The following PARG variants were observed in gnomAD, a reference collection of about 807,000 sequenced individuals.
PARG encodes the protein poly(ADP-ribose) glycohydrolase, also known as mitochondrial poly(ADP-ribose) glycohydrolase.
A neutral mutation model predicts 113.0 loss-of-function variants in PARG; 35 were observed. The observed-to-expected ratio is 0.31, with a 90% confidence interval of 0.24 to 0.41. The LOEUF (loss-of-function observed/expected upper bound fraction) is 0.41, where lower values mean the gene tolerates loss of function less well. PARG is among the 10% of genes least tolerant of loss of function. The pLI is 1.00. For synonymous variants in PARG, 330 were observed against 409.9 expected, an observed-to-expected ratio of 0.81 and a Z score of 2.36; for missense variants, 797 against 1,169.4, an observed-to-expected ratio of 0.68 and a Z score of 4.64.
chr10:49,920,000 C>T (rs1421487296), intron 6 of PARG, among the ~76,000 whole-genome samples: 1 of 151,876 alleles, frequency 6.6e-6, no homozygotes, highest in African/African-American at 2.4e-5. Flanking sequence ...TTTGGATCAG[C>T]GGTTTGAAAA....
chr10:49,920,950 C>T (rs1408828367), intron 6 of PARG, among the ~76,000 whole-genome samples: 6 of 152,056 alleles, frequency 3.9e-5, no homozygotes, highest in African/African-American at 1.4e-4. Flanking sequence ...CACACAGGAT[C>T]CCTGTAGCCA....
At chr10:49,854,553 T>C (rs1160390555) in intron 13 of PARG, among the ~76,000 whole-genome samples, 4 of 151,258 alleles carry the variant, frequency 2.6e-5, no homozygotes, top group African/African-American at 9.7e-5. Flanking sequence ...CATGGCCATA[T>C]GAATGCTCAG....
intron 7 of PARG, among the ~76,000 whole-genome samples, chr10:49,899,536 C>T (rs2573419): frequency 2.0e-5 from 3 of 152,186 alleles, no homozygotes; most frequent in Admixed American, 6.5e-5. Flanking sequence ...AAATGGTCTC[C>T]ATTTTTAATA....
intron 7 of PARG, among the ~76,000 whole-genome samples, chr10:49,896,512 T>C (rs1238149346): frequency 1.3e-5 from 2 of 152,188 alleles, no homozygotes; most frequent in Non-Finnish European, 2.9e-5. Context: ...CTCGAACTCC[T>C]AACCTCAGGT....
At chr10:49,894,343 C>T (rs545585393) in intron 7 of PARG, among the ~76,000 whole-genome samples, 1 of 151,850 alleles carries the variant, frequency 6.6e-6, no homozygotes, top group Non-Finnish European at 1.5e-5. Flanking sequence ...CGCCTGGCAT[C>T]CCTGTCTTTA....
intron 7 of PARG, among the ~76,000 whole-genome samples, chr10:49,895,890 T>C (rs1416682036): frequency 1.3e-5 from 2 of 152,200 alleles, no homozygotes; most frequent in African/African-American, 2.4e-5. Flanking sequence ...TTTAATGAAA[T>C]TTTTAAAATT....
intron 6 of PARG, among the ~76,000 whole-genome samples, chr10:49,920,269 C>T (rs1439520829): frequency 2.7e-5 from 4 of 150,684 alleles, no homozygotes; most frequent in Admixed American, 2.0e-4. Context: ...AGAGAAACCC[C>T]GTCTCTACAA....
chr10:49,835,754 C>G (rs1367007026), intron 15 of PARG, among the ~76,000 whole-genome samples: 1 of 151,990 alleles, frequency 6.6e-6, no homozygotes, highest in Admixed American at 6.6e-5. Context: ...TAAGATTTTA[C>G]ACTTAAGTAA....
At chr10:49,938,549 G>A (rs1376910474) in intron 1 of PARG, among the ~76,000 whole-genome samples, 4 of 152,104 alleles carry the variant, frequency 2.6e-5, no homozygotes, top group South Asian at 4.2e-4. Context: ...ATAAACCTGC[G>A]TCATCACAAT....
chr10:49,937,848 T>G (rs1838827159), intron 1 of PARG, among the ~76,000 whole-genome samples: 1 of 152,188 alleles, frequency 6.6e-6, no homozygotes, highest in Non-Finnish European at 1.5e-5. Flanking sequence ...TAATAAAACA[T>G]TGATCAGTCC....
At chr10:49,828,205 G>A (rs1844469855) in intron 16 of PARG, among the ~76,000 whole-genome samples, 2 of 150,214 alleles carry the variant, frequency 1.3e-5, no homozygotes, top group Admixed American at 1.3e-4. Context: ...TAAGAGAGCT[G>A]AGTTTTTGAG....
intron 1 of PARG, among the ~76,000 whole-genome samples, chr10:49,940,502 CCT>C (rs1220963923): frequency 5.8e-4 from 85 of 147,298 alleles, no homozygotes; most frequent in African/African-American, 2.2e-3. Context: ...CAATTGCACT[CCT>C]GTTTTTGTTT....
intron 7 of PARG, among the ~76,000 whole-genome samples, chr10:49,887,489 C>G (rs1463021969): frequency 2.0e-5 from 3 of 151,828 alleles, no homozygotes; most frequent in African/African-American, 7.3e-5. Context: ...TTCCTAACAC[C>G]CACTAATTTG....
At chr10:49,864,909 G>A (rs1846422103) in intron 11 of PARG, among the ~76,000 whole-genome samples, 1 of 140,892 alleles carries the variant, frequency 7.1e-6, no homozygotes, top group Middle Eastern at 3.4e-3. Context: ...TTACTAAAAT[G>A]TAAATAATAA....
intron 9 of PARG, among the ~76,000 whole-genome samples, chr10:49,877,821 G>C (rs1319032686): frequency 1.7e-5 from 2 of 120,100 alleles, no homozygotes; most frequent in African/African-American, 3.2e-5. Context: ...ATGTAGAAGA[G>C]GGAAGCAGAA....
At chr10:49,928,297 A>G (rs1242736908) in intron 4 of PARG, among the ~76,000 whole-genome samples, 1 of 152,190 alleles carries the variant, frequency 6.6e-6, no homozygotes, top group Non-Finnish European at 1.5e-5. Flanking sequence ...CAGATGTGAC[A>G]GAATCAGCAG....
At chr10:49,903,029 G>A (rs1554844055) in intron 7 of PARG, among the ~76,000 whole-genome samples, 2 of 151,830 alleles carry the variant, frequency 1.3e-5, no homozygotes, top group African/African-American at 2.4e-5. Context: ...GTTTCACCAT[G>A]TTCGTCAGGA....
intron 13 of PARG, among the ~76,000 whole-genome samples, chr10:49,845,213 C>G (rs1845448967): frequency 6.6e-6 from 1 of 152,148 alleles, no homozygotes; most frequent in South Asian, 2.1e-4. Flanking sequence ...TTGGCAATCC[C>G]TTGTAAAATT....
chr10:49,901,400 C>G (rs1171773675), intron 7 of PARG, among the ~76,000 whole-genome samples: 2 of 150,036 alleles, frequency 1.3e-5, no homozygotes, highest in African/African-American at 4.9e-5. Flanking sequence ...AAGCACGAAC[C>G]ACCACACCCA....
Sources: gnomAD v4.1 joint callset for allele counts (sites outside exome capture counted in the v4.1 genomes callset) on GRCh38, gnomAD v4.1.1 for gene constraint, MANE v1.5 for transcripts, NCBI Gene and HGNC (gene_info 2026-07-23, HGNC 2026-07-21) for gene names.